MRTFA: variants seen among roughly 807,000 people sequenced by gnomAD.
MRTFA encodes the protein myocardin related transcription factor A.
MRTFA carries 20 observed loss-of-function variants against 83.5 expected under a neutral mutation model. That is an observed-to-expected ratio of 0.24 (90% confidence interval 0.17 to 0.35). The LOEUF (loss-of-function observed/expected upper bound fraction) is 0.35. MRTFA is among the 10% of genes least tolerant of loss of function. MRTFA has a pLI of 1.00. For synonymous variants in MRTFA, 659 were observed against 541.2 expected (o/e 1.22, Z -3.02); for missense variants, 1,200 against 1,224.7 (o/e 0.98, Z 0.30).
chr22:40,495,997 TG>T (rs1001707561), intron 3 of MRTFA, among the ~76,000 whole-genome samples: 4 of 150,786 alleles, frequency 2.7e-5, no homozygotes, highest in Non-Finnish European at 4.4e-5. Flanking sequence ...ACCTGGGAGG[TG>T]GAAGTTGCAG....
At chr22:40,547,966 G>C (rs2055391588) in intron 3 of MRTFA, among the ~76,000 whole-genome samples, 1 of 152,118 alleles carries the variant, frequency 6.6e-6, no homozygotes, top group Admixed American at 6.6e-5. Context: ...AGAGTTTTGA[G>C]AGTAGCGTAG....
chr22:40,420,334 A>G (rs538855815), intron 11 of MRTFA, 71 bp downstream of exon 11: 8 of 1,541,356 alleles, frequency 5.2e-6, no homozygotes, highest in Middle Eastern at 3.5e-4. Flanking sequence ...CTGCCTAAAA[A>G]CCAGCACCCA....
intron 3 of MRTFA, among the ~76,000 whole-genome samples, chr22:40,546,343 G>A (rs558238116): frequency 6.6e-6 from 1 of 152,204 alleles, no homozygotes; most frequent in Non-Finnish European, 1.5e-5. Flanking sequence ...GGTAGGCAGA[G>A]AAAGATAGCA....
At chr22:40,598,271 T>C (rs1457635379) in intron 1 of MRTFA, among the ~76,000 whole-genome samples, 1 of 151,360 alleles carries the variant, frequency 6.6e-6, no homozygotes, top group African/African-American at 2.4e-5. Flanking sequence ...TATATAAAGG[T>C]TGTTTTAGTC....
chr22:40,635,205 T>C (rs1000638855), intron 1 of MRTFA, among the ~76,000 whole-genome samples: 12 of 152,210 alleles, frequency 7.9e-5, no homozygotes, highest in African/African-American at 2.7e-4. Context: ...CCTGCAGTCA[T>C]AGGGCTGTGG....
chr22:40,572,619 T>C (rs899213198), intron 2 of MRTFA, among the ~76,000 whole-genome samples: 1 of 152,184 alleles, frequency 6.6e-6, no homozygotes, highest in African/African-American at 2.4e-5. Context: ...TTCGTGCTGC[T>C]GATAAAGACA....
intron 1 of MRTFA, among the ~76,000 whole-genome samples, chr22:40,626,830 G>A (rs133044): frequency 0.025 from 3,846 of 151,186 alleles, 73 homozygotes; most frequent in Non-Finnish European, 0.041. Context: ...GTGCCACTGC[G>A]ATCCAGCCTG....
At chr22:40,527,284 T>C (rs538812531) in intron 3 of MRTFA, among the ~76,000 whole-genome samples, 1 of 152,246 alleles carries the variant, frequency 6.6e-6, no homozygotes, top group East Asian at 1.9e-4. Context: ...CAGCCATTTA[T>C]GCGACTTTGC....
chr22:40,449,639 T>G (rs1294301525), intron 4 of MRTFA, among the ~76,000 whole-genome samples: 5 of 152,236 alleles, frequency 3.3e-5, no homozygotes, highest in Non-Finnish European at 5.9e-5. Context: ...GTAAGAATTT[T>G]ATTTGCTTAT....
chr22:40,570,577 CAAAAAAAAAAAAAAA>C (rs894548892), intron 2 of MRTFA, among the ~76,000 whole-genome samples: 9 of 23,152 alleles, frequency 3.9e-4, no homozygotes, highest in African/African-American at 1.0e-3. Context: ...GACTCTGTCT[CAAAAAAAAAAAAAAA>C]AAAAAAAAAA....
chr22:40,447,753 A>G (rs951110568), intron 4 of MRTFA, among the ~76,000 whole-genome samples: 10 of 152,166 alleles, frequency 6.6e-5, no homozygotes, highest in African/African-American at 2.4e-4. Flanking sequence ...AGTACTTACT[A>G]TTTTCCACAT....
rs140770466 is a variant in MRTFA at position 40,415,969 on chromosome 22, G to C, written c.2578+1017C>G. The stretch of plus-strand genomic sequence containing the variant: ...ACCTCACACCCTCGGCAGCCTCCCA[G>C]CTCCAACTGCCAATCTAGATGTGAC... On this transcript the variant is annotated intron_variant, in intron 14 of 14. Transcript: ENST00000355630. Among the ~76,000 whole-genome samples the C allele has an allele frequency of 3.6e-4, 55 of 151,916 alleles. 1 individual carries two copies. In the East Asian group the frequency reaches 0.011, roughly 30 times the overall value.
At chr22:40,621,852 C>T (rs922354473) in intron 1 of MRTFA, among the ~76,000 whole-genome samples, 2 of 152,144 alleles carry the variant, frequency 1.3e-5, no homozygotes, top group Admixed American at 1.3e-4. Flanking sequence ...GCATTTTCTC[C>T]CTTCTGAAAC....
At chr22:40,598,669 C>G (rs1018564137) in intron 1 of MRTFA, among the ~76,000 whole-genome samples, 6 of 152,020 alleles carry the variant, frequency 3.9e-5, no homozygotes, top group Admixed American at 3.9e-4. Context: ...GTGTGCCCCC[C>G]CAAAATTGGA....
intron 3 of MRTFA, among the ~76,000 whole-genome samples, chr22:40,510,751 G>A (rs547900733): frequency 6.6e-6 from 1 of 152,246 alleles, no homozygotes; most frequent in Admixed American, 6.5e-5. Flanking sequence ...AACATAAGGA[G>A]AGCACAGCAG....
chr22:40,511,301 C>T (rs868027487), intron 3 of MRTFA, among the ~76,000 whole-genome samples: 3 of 152,218 alleles, frequency 2.0e-5, no homozygotes, highest in African/African-American at 4.8e-5. Context: ...GAGACTGACT[C>T]CTAATTTTCT....
chr22:40,514,623 G>A (rs1441948071), intron 3 of MRTFA, among the ~76,000 whole-genome samples: 1 of 148,538 alleles, frequency 6.7e-6, no homozygotes, highest in African/African-American at 2.5e-5. Context: ...ATAGATGCAA[G>A]CCACCATGCC....
At chr22:40,499,909 T>C (rs1422627129) in intron 3 of MRTFA, among the ~76,000 whole-genome samples, 1 of 141,994 alleles carries the variant, frequency 7.0e-6, no homozygotes, top group African/African-American at 2.6e-5. Context: ...GATTTTCAAG[T>C]AGACCTTTTT....
At chr22:40,503,933 A>C (rs1309409980) in intron 3 of MRTFA, among the ~76,000 whole-genome samples, 1 of 152,182 alleles carries the variant, frequency 6.6e-6, no homozygotes, top group Non-Finnish European at 1.5e-5. Context: ...TTTAAAAAAA[A>C]AAAAATTCCC....
Sources: allele counts gnomAD v4.1 joint callset (sites outside exome capture counted in the v4.1 genomes callset), GRCh38; gene constraint gnomAD v4.1.1; transcripts MANE v1.5; gene names NCBI Gene and HGNC (gene_info 2026-07-23, HGNC 2026-07-21).